The following MAL2 variants were observed in gnomAD, a reference collection of about 807,000 sequenced individuals.
MAL2 encodes mal, T cell differentiation protein 2, also known as protein MAL2.
A neutral mutation model predicts 18.1 loss-of-function variants in MAL2; 17 were observed. The observed-to-expected ratio is 0.94, with a 90% CI of 0.64 to 1.41. The LOEUF (loss-of-function observed/expected upper bound fraction) is 1.41, where lower values mean the gene tolerates loss of function less well. Ranked by LOEUF, MAL2 falls within the 40% of genes most tolerant of loss-of-function variation. The pLI is 0.00. For missense variants in MAL2, 222 were observed against 231.9 expected (o/e 0.96, Z 0.28); for synonymous variants, 102 against 102.3 (o/e 1.00, Z 0.02).
intron 3 of MAL2, among the ~76,000 whole-genome samples, chr8:119,242,208 G>T (rs949560991): frequency 6.6e-6 from 1 of 152,124 alleles, no homozygotes; most frequent in Admixed American, 6.5e-5. Context: ...GCTGAAATAC[G>T]TGATGGTTGT....
chr8:119,228,763 G>C (rs1396443848), intron 2 of MAL2, among the ~76,000 whole-genome samples: 1 of 152,106 alleles, frequency 6.6e-6, no homozygotes. Context: ...CGATGCCCTA[G>C]GTAATTAATT....
chr8:119,239,824 T>A (rs1202104255), intron 2 of MAL2, among the ~76,000 whole-genome samples: 2 of 151,278 alleles, frequency 1.3e-5, no homozygotes, highest in Admixed American at 6.6e-5. Flanking sequence ...AGTTAATGAG[T>A]GCAGCACACT....
chr8:119,229,522 AGGCTG>A (rs902448671), intron 2 of MAL2, among the ~76,000 whole-genome samples: 4 of 152,124 alleles, frequency 2.6e-5, no homozygotes, highest in African/African-American at 9.7e-5. Context: ...CATGTTGGCT[AGGCTG>A]GTCTCAAACT....
intron 1 of MAL2, among the ~76,000 whole-genome samples, chr8:119,219,520 GGTGTGTGTGTGTGTGTGT>G (rs143315878): frequency 3.4e-5 from 5 of 148,010 alleles, no homozygotes; most frequent in African/African-American, 9.9e-5. Flanking sequence ...ACTCTCCCTG[GGTGTGTGTGTGTGTGTGT>G]GTGTGTGTGT....
chr8:119,234,971 C>T lies in MAL2; in HGVS notation c.304-5194C>T, dbSNP rs531289257. Among the ~76,000 whole-genome samples, 26 of 152,182 alleles carry T rather than the reference C, an allele frequency of 1.7e-4. No homozygotes were observed. In the East Asian group the frequency reaches 3.9e-3, roughly 23 times the overall value. On this transcript the variant is annotated intron_variant, in intron 2 of 3. Transcript: ENST00000614891. ...AAAGCTGGATGGAGAATGACTTTGA[C>T]GAGCTGAGAGAAGAAGGCTTCAGAC...
intron 3 of MAL2, among the ~76,000 whole-genome samples, chr8:119,241,491 G>A (rs1253069701): frequency 2.0e-5 from 3 of 152,172 alleles, no homozygotes; most frequent in Non-Finnish European, 2.9e-5. Context: ...ACTCTGGTCG[G>A]GGGAGAGAAA....
intron 1 of MAL2, among the ~76,000 whole-genome samples, chr8:119,212,324 T>C (rs1282851660): frequency 6.6e-6 from 1 of 152,262 alleles, no homozygotes; most frequent in Non-Finnish European, 1.5e-5. Context: ...AAGAAACTAC[T>C]TATATTCCCC....
intron 1 of MAL2, among the ~76,000 whole-genome samples, chr8:119,212,278 G>C (rs185790047): frequency 2.0e-5 from 3 of 152,286 alleles, no homozygotes; most frequent in Non-Finnish European, 4.4e-5. Flanking sequence ...GATAATCATT[G>C]AATTCATTGT....
At chr8:119,224,822 C>G (rs1042370133) in intron 2 of MAL2, among the ~76,000 whole-genome samples, 1 of 152,144 alleles carries the variant, frequency 6.6e-6, no homozygotes, top group Admixed American at 6.6e-5. Flanking sequence ...AAGTGAGTTA[C>G]TTCATTTAGA....
intron 2 of MAL2, among the ~76,000 whole-genome samples, chr8:119,238,234 A>G (rs1414799571): frequency 3.3e-5 from 5 of 152,076 alleles, no homozygotes; most frequent in African/African-American, 9.7e-5. Context: ...TACAAGGGAC[A>G]TGAAGGACCT....
chr8:119,231,021 AG>A (rs1374858241), intron 2 of MAL2, among the ~76,000 whole-genome samples: 135 of 145,604 alleles, frequency 9.3e-4, no homozygotes, highest in Middle Eastern at 7.1e-3. Context: ...ATGTGAGAAC[AG>A]TTTTTTTTTT....
intron 2 of MAL2, chr8:119,223,827 C>T (rs1294190942): frequency 6.6e-6 from 1 of 151,728 alleles, no homozygotes; most frequent in East Asian, 1.9e-4. Context: ...ATTATTCAGT[C>T]ATTTTTTATT....
At chr8:119,243,366 T>C (rs566643307) in intron 3 of MAL2, 51 bp from the exon 4 acceptor site, 23 of 1,445,286 alleles carry the variant, frequency 1.6e-5, no homozygotes, top group Admixed American at 1.4e-4. Flanking sequence ...GGACACTGTT[T>C]ATAAGTCGGT....
chr8:119,235,449 G>A (rs202075270), intron 2 of MAL2, among the ~76,000 whole-genome samples: 26,254 of 151,402 alleles, frequency 0.17, 2,647 homozygotes, highest in South Asian at 0.33. Flanking sequence ...TACAGAGAAT[G>A]CCACAAAGAT....
At chr8:119,222,382 A>T (rs2129814039) in intron 2 of MAL2, among the ~76,000 whole-genome samples, 1 of 151,650 alleles carries the variant, frequency 6.6e-6, no homozygotes, top group African/African-American at 2.4e-5. Context: ...TACAAAAATT[A>T]CCCCGGGCAT....
At chr8:119,216,019 A>G (rs1238327289) in intron 1 of MAL2, among the ~76,000 whole-genome samples, 1 of 152,134 alleles carries the variant, frequency 6.6e-6, no homozygotes, top group Non-Finnish European at 1.5e-5. Context: ...TCTAGCTGAT[A>G]AATTTCTGAA....
chr8:119,218,294 C>T (rs1817393647), intron 1 of MAL2, among the ~76,000 whole-genome samples: 1 of 152,120 alleles, frequency 6.6e-6, no homozygotes, highest in Non-Finnish European at 1.5e-5. Flanking sequence ...AATCTGACTC[C>T]TGTTCATGCA....
intron 1 of MAL2, chr8:119,209,061 TG>T: frequency 2.1e-5 from 3 of 144,884 alleles, no homozygotes; most frequent in Non-Finnish European, 3.2e-5. Flanking sequence ...TGCCACGCTG[TG>T]GAAAGTGGGG....
At chr8:119,218,744 T>TA (rs1320318027) in intron 1 of MAL2, among the ~76,000 whole-genome samples, 1 of 152,224 alleles carries the variant, frequency 6.6e-6, no homozygotes, top group Admixed American at 6.5e-5. Context: ...AAGGATCATA[T>TA]AGCCTCCTCT....
Sources: gnomAD v4.1 joint callset for allele counts (sites outside exome capture counted in the v4.1 genomes callset) on GRCh38, gnomAD v4.1.1 for gene constraint, MANE v1.5 for transcripts, NCBI Gene and HGNC (gene_info 2026-07-23, HGNC 2026-07-21) for gene names.